The following PITPNM2 variants were observed in gnomAD, a reference collection of about 807,000 sequenced individuals.
PITPNM2 encodes membrane-associated phosphatidylinositol transfer protein 2.
A neutral mutation model predicts 132.2 loss-of-function variants in PITPNM2; 35 were observed. The observed-to-expected ratio is 0.26, with a 90% CI of 0.20 to 0.35. PITPNM2 has a LOEUF of 0.35. Among genes scored for constraint, PITPNM2 ranks in the 10% least tolerant of loss-of-function variants. PITPNM2 has a pLI of 1.00. For missense variants in PITPNM2, 1,332 were observed against 1,912.0 expected (o/e 0.70, Z 5.66); for synonymous variants, 738 against 799.2 (o/e 0.92, Z 1.29).
intron 3 of PITPNM2, among the ~76,000 whole-genome samples, chr12:123,024,114 C>A (rs972619267): frequency 5.3e-5 from 8 of 152,130 alleles, no homozygotes; most frequent in African/African-American, 1.7e-4. Flanking sequence ...ATAATAAAGG[C>A]AAAGAACTTG....
In PITPNM2 at chr12:122,987,208, C is replaced by T. The variant is rs1164323886; in HGVS notation, c.3413+73G>A. The stretch of plus-strand genomic sequence containing the variant: ...CCCACAGAGGCTCCGCTGTCCTCCT[C>T]CACCTGGCTGGTGGGAGCCCCTGAG... On this transcript the variant is annotated intron_variant, in intron 23 of 25. Coordinates refer to ENST00000320201, the MANE Select transcript of PITPNM2 (RefSeq NM_020845.3). 14 of 1,588,084 alleles carry T rather than the reference C, an allele frequency of 8.8e-6. No homozygotes were observed. The Middle Eastern group carries it at 6.8e-4, about 78-fold the overall frequency.
intron 2 of PITPNM2, among the ~76,000 whole-genome samples, chr12:123,107,629 C>A (rs1193182340): frequency 6.6e-6 from 1 of 152,182 alleles, no homozygotes; most frequent in Admixed American, 6.5e-5. Context: ...GTGTGGCCTC[C>A]CTCCACCCCA....
chr12:123,093,580 G>A (rs1288462790), intron 2 of PITPNM2, among the ~76,000 whole-genome samples: 1 of 152,096 alleles, frequency 6.6e-6, no homozygotes, highest in African/African-American at 2.4e-5. Flanking sequence ...CCTTCCTCCT[G>A]CCACTCGGCA....
intron 2 of PITPNM2, among the ~76,000 whole-genome samples, chr12:123,059,055 A>C (rs2041139412): frequency 6.6e-6 from 1 of 152,102 alleles, no homozygotes; most frequent in Non-Finnish European, 1.5e-5. Context: ...AGATCTCCAT[A>C]AGTACTTAGG....
chr12:123,040,353 G>A (rs1010018822), intron 2 of PITPNM2, among the ~76,000 whole-genome samples: 4 of 151,932 alleles, frequency 2.6e-5, no homozygotes, highest in African/African-American at 9.7e-5. Context: ...TGATGAAATA[G>A]TACACTTAAA....
chr12:123,046,406 G>T (rs904585764), intron 2 of PITPNM2, among the ~76,000 whole-genome samples: 2 of 152,080 alleles, frequency 1.3e-5, no homozygotes, highest in Admixed American at 1.3e-4. Context: ...CAACTCCCCC[G>T]AGTTAGATGT....
chr12:123,141,583 G>A (rs1162585461), intron 1 of PITPNM2, among the ~76,000 whole-genome samples: 2 of 152,130 alleles, frequency 1.3e-5, no homozygotes, highest in Non-Finnish European at 2.9e-5. Context: ...GGGAAGAGCA[G>A]CCGTCTCCTG....
At chr12:123,040,530 T>A (rs935966378) in intron 2 of PITPNM2, among the ~76,000 whole-genome samples, 9 of 152,190 alleles carry the variant, frequency 5.9e-5, no homozygotes, top group African/African-American at 1.7e-4. Flanking sequence ...ACCTTTAACC[T>A]TTTAGGACTA....
At chr12:123,030,217 A>C (rs2040032769) in intron 3 of PITPNM2, among the ~76,000 whole-genome samples, 2 of 152,186 alleles carry the variant, frequency 1.3e-5, no homozygotes, top group Admixed American at 1.3e-4. Context: ...TTTATTTAAA[A>C]AGAGGACAGT....
chr12:123,073,852 C>A (rs1566279213), intron 2 of PITPNM2, among the ~76,000 whole-genome samples: 1 of 152,164 alleles, frequency 6.6e-6, no homozygotes, highest in African/African-American at 2.4e-5. Context: ...CCTGCTCCTT[C>A]CTCTCTCTAA....
intron 2 of PITPNM2, among the ~76,000 whole-genome samples, chr12:123,071,708 G>A (rs1171581878): frequency 1.3e-5 from 2 of 152,266 alleles, no homozygotes; most frequent in African/African-American, 2.4e-5. Flanking sequence ...CCTGCGACGA[G>A]GCAGGCAAGA....
At position 122,985,841 on chromosome 12, in the gene PITPNM2, G is replaced by A. The variant is rs2037907657; in HGVS notation, c.*186C>T. On this transcript the variant is annotated 3_prime_UTR_variant, in exon 26 of 26. Coordinates refer to ENST00000320201, the MANE Select transcript of PITPNM2 (RefSeq NM_020845.3). ...TCCCTGCCAGCTTCCATGACAAGCC[G>A]GACCCGTCAGGCCCGAGGACGTGAG... The A allele has an allele frequency of 9.8e-6, 5 of 512,100 alleles. No individual in the cohort carries two copies. Among genetic ancestry groups the A allele is most frequent in the East Asian group, 3.6e-5 (1 of 27,448 alleles). 31.7% of individuals were successfully genotyped at this position (512,100 alleles called of 1,614,324 possible). A position where few individuals can be genotyped will look rare whatever the true frequency, so the allele number is the denominator to read the frequency against.
rs868837286 is a variant in PITPNM2 at position 123,112,729 on chromosome 12, G to A, written c.-199-2241C>T. Among the ~76,000 whole-genome samples the A allele has an allele frequency of 4.0e-5, 6 of 151,860 alleles. No individual in the cohort carries two copies. The South Asian group carries it at 1.0e-3, about 26-fold the overall frequency. On this transcript the variant is annotated intron_variant, in intron 1 of 25. Transcript: ENST00000320201. ...ATTTTTTTGTATTTTTAGTAGAGAC[G>A]GGGTTTCACCATGTTAGCCAGGATG... is the stretch of plus-strand genomic sequence containing the variant.
At chr12:122,998,129 C>A (rs530544341) in intron 10 of PITPNM2, among the ~76,000 whole-genome samples, 4 of 152,232 alleles carry the variant, frequency 2.6e-5, no homozygotes, top group Non-Finnish European at 4.4e-5. Flanking sequence ...ACTCTGCCTG[C>A]AGCTCCAAGC....
intron 12 of PITPNM2, 71 bp from the exon 13 acceptor site, chr12:122,996,648 C>G: frequency 6.2e-7 from 1 of 1,611,312 alleles, no homozygotes; most frequent in East Asian, 2.2e-5. Flanking sequence ...GAGGCCGTCA[C>G]CTTCCCCCTG....
chr12:123,067,565 C>A (rs2041469025), intron 2 of PITPNM2, among the ~76,000 whole-genome samples: 1 of 152,064 alleles, frequency 6.6e-6, no homozygotes. Flanking sequence ...GAGGCAGAGA[C>A]TGCAGTGATG....
At chr12:123,016,538 A>C (rs1298292261) in intron 3 of PITPNM2, among the ~76,000 whole-genome samples, 2 of 151,892 alleles carry the variant, frequency 1.3e-5, no homozygotes, top group East Asian at 3.9e-4. Context: ...GATGGTCTTG[A>C]TCTCTTGACC....
At chr12:123,112,754 G>A (rs953514106) in intron 1 of PITPNM2, among the ~76,000 whole-genome samples, 2 of 152,012 alleles carry the variant, frequency 1.3e-5, no homozygotes, top group Middle Eastern at 3.2e-3. Flanking sequence ...TAGCCAGGAT[G>A]GTCTTTATCT....
At chr12:123,052,080 T>G (rs905521527) in intron 2 of PITPNM2, among the ~76,000 whole-genome samples, 73 of 135,318 alleles carry the variant, frequency 5.4e-4, no homozygotes, top group African/African-American at 2.2e-3. Flanking sequence ...TTTTATTGTT[T>G]TTTTTTTTTT....
Sources: gnomAD v4.1 joint callset for allele counts (sites outside exome capture counted in the v4.1 genomes callset) on GRCh38, gnomAD v4.1.1 for gene constraint, MANE v1.5 for transcripts, NCBI Gene and HGNC (gene_info 2026-07-23, HGNC 2026-07-21) for gene names.